Variants in PPP1R9A observed in about 807,000 individuals in gnomAD.
PPP1R9A encodes protein phosphatase 1 regulatory subunit 9A, also known as neurabin-1.
PPP1R9A carries 59 observed loss-of-function variants against 141.9 expected under a neutral mutation model. The ratio of observed to expected loss-of-function variants is 0.42; its 90% confidence interval spans 0.34 to 0.52. PPP1R9A has a LOEUF of 0.52. PPP1R9A is among the 20% of genes least tolerant of loss of function. The pLI is 0.10. For synonymous variants in PPP1R9A, 500 were observed against 569.7 expected, an observed-to-expected ratio of 0.88 and a Z score of 1.74; for missense variants, 1,444 against 1,611.9, an observed-to-expected ratio of 0.90 and a Z score of 1.78.
At chr7:95,261,918 C>T (rs554785894) in intron 12 of PPP1R9A, among the ~76,000 whole-genome samples, 1 of 152,282 alleles carries the variant, frequency 6.6e-6, no homozygotes, top group African/African-American at 2.4e-5. Flanking sequence ...ACAAAATCTT[C>T]CCATGATTGA....
chr7:95,198,622 A>G, intron 6 of PPP1R9A, 138 bp downstream of exon 6: 1 of 999,320 alleles, frequency 1.0e-6, no homozygotes, highest in African/African-American at 1.6e-5. Flanking sequence ...CTACCTTAGA[A>G]AAGAAATACT....
chr7:95,222,226 T>C (rs1794561497), intron 7 of PPP1R9A, among the ~76,000 whole-genome samples: 1 of 152,050 alleles, frequency 6.6e-6, no homozygotes, highest in Non-Finnish European at 1.5e-5. Context: ...GGTTTGGGGA[T>C]GGGATCATTA....
chr7:95,218,944 A>C (rs1207683091), intron 7 of PPP1R9A, among the ~76,000 whole-genome samples: 6 of 152,056 alleles, frequency 3.9e-5, no homozygotes, highest in Admixed American at 1.3e-4. Context: ...TGTGTCTTTT[A>C]ATTGGAGCAT....
At chr7:94,925,465 A>G (rs1315901818) in intron 2 of PPP1R9A, among the ~76,000 whole-genome samples, 2 of 151,834 alleles carry the variant, frequency 1.3e-5, no homozygotes, top group Non-Finnish European at 2.9e-5. Flanking sequence ...GAGGAAACTC[A>G]TTTTTCCCCC....
intron 2 of PPP1R9A, among the ~76,000 whole-genome samples, chr7:94,929,405 A>G (rs577457804): frequency 7.6e-4 from 116 of 152,302 alleles, no homozygotes; most frequent in African/African-American, 2.7e-3. Flanking sequence ...GCCAAACTCT[A>G]TCTGAGTTTC....
intron 12 of PPP1R9A, among the ~76,000 whole-genome samples, chr7:95,256,951 A>G (rs1203137976): frequency 2.6e-5 from 4 of 152,218 alleles, no homozygotes; most frequent in South Asian, 2.1e-4. Flanking sequence ...TGAAAGAGAA[A>G]GGAAGCCTCA....
chr7:95,093,162 A>G (rs1360792928), intron 2 of PPP1R9A, among the ~76,000 whole-genome samples: 1 of 152,126 alleles, frequency 6.6e-6, no homozygotes, highest in Non-Finnish European at 1.5e-5. Flanking sequence ...AGGCACCAAC[A>G]GATAGACTTT....
chr7:95,073,517 AAATT>A (rs1814311818), intron 2 of PPP1R9A, among the ~76,000 whole-genome samples: 1 of 151,874 alleles, frequency 6.6e-6, no homozygotes, highest in Non-Finnish European at 1.5e-5. Context: ...CCTTTCTCTA[AAATT>A]AATTGATGCT....
chr7:94,928,855 T>C (rs1316816837), intron 2 of PPP1R9A, among the ~76,000 whole-genome samples: 1 of 152,156 alleles, frequency 6.6e-6, no homozygotes, highest in Non-Finnish European at 1.5e-5. Context: ...TCAACAAATA[T>C]CTAAAAAGAT....
At chr7:95,000,975 G>A (rs529852693) in intron 2 of PPP1R9A, among the ~76,000 whole-genome samples, 1 of 152,222 alleles carries the variant, frequency 6.6e-6, no homozygotes, top group East Asian at 1.9e-4. Context: ...AATTGTAATT[G>A]TAATTATCTT....
intron 2 of PPP1R9A, among the ~76,000 whole-genome samples, chr7:95,056,477 TG>T (rs1270579210): frequency 6.6e-6 from 1 of 152,168 alleles, no homozygotes; most frequent in Non-Finnish European, 1.5e-5. Flanking sequence ...CTTCAAACCC[TG>T]GGGCTCACAG....
At position 95,259,535 on chromosome 7, in the gene PPP1R9A, G is replaced by T. The variant is rs376307951; in HGVS notation, c.2665+7405G>T. On this transcript the variant is annotated intron_variant, in intron 12 of 19. Transcript: ENST00000433360. ...ACTCCTCCAAGAAATCATTTCCTTT[G>T]TCCTTTTTGCCTTTCTCTTGAGCCC... Among the ~76,000 whole-genome samples, 110 of 152,180 alleles carry T rather than the reference G, an allele frequency of 7.2e-4. 1 individual carries two copies. The South Asian group carries it at 0.021, about 29-fold the overall frequency.
intron 12 of PPP1R9A, among the ~76,000 whole-genome samples, chr7:95,265,461 G>T (rs1801146794): frequency 6.6e-6 from 1 of 152,140 alleles, no homozygotes; most frequent in Admixed American, 6.6e-5. Flanking sequence ...TAGGATTTTT[G>T]TATTACATGA....
intron 2 of PPP1R9A, among the ~76,000 whole-genome samples, chr7:95,090,456 G>A (rs913851987): frequency 3.3e-5 from 5 of 151,968 alleles, no homozygotes; most frequent in Non-Finnish European, 7.4e-5. Context: ...TGTAATGAGC[G>A]TTTTTAAGAT....
intron 5 of PPP1R9A, among the ~76,000 whole-genome samples, chr7:95,196,017 T>G (rs1445931036): frequency 2.6e-5 from 4 of 152,094 alleles, no homozygotes; most frequent in African/African-American, 9.7e-5. Flanking sequence ...GCCACTGCAC[T>G]CCAGCATGGG....
At chr7:95,228,952 ACATGGCCAGT>A (rs1795526642) in intron 8 of PPP1R9A, among the ~76,000 whole-genome samples, 1 of 152,180 alleles carries the variant, frequency 6.6e-6, no homozygotes, top group Non-Finnish European at 1.5e-5. Flanking sequence ...AAAAGCTGCC[ACATGGCCAGT>A]CATGCTGGCT....
chr7:95,135,903 C>T (rs888969160), intron 4 of PPP1R9A, among the ~76,000 whole-genome samples: 12 of 125,926 alleles, frequency 9.5e-5, no homozygotes, highest in Non-Finnish European at 1.6e-4. Flanking sequence ...CTCTGTTCAT[C>T]CTTCAAATGC....
At position 95,293,293 on chromosome 7, in the gene PPP1R9A, C is replaced by A. The variant is rs1806613180; in HGVS notation, c.*2990C>A. ...CAGTTTATGTAATACTAATCTCATT[C>A]TTTTTTTACCTGAATCAGGAATTTT... is the stretch of plus-strand genomic sequence containing the variant. On this transcript the variant is annotated 3_prime_UTR_variant, in exon 20 of 20. Transcript: ENST00000433360. 1 of 152,104 alleles carries A rather than the reference C, an allele frequency of 6.6e-6. No individual in the cohort carries two copies. Among genetic ancestry groups the A allele is most frequent in the Admixed American group, 6.5e-5 (1 of 15,276 alleles). 9.4% of individuals were successfully genotyped at this position (152,104 alleles called of 1,614,324 possible).
At chr7:95,098,383 TAAATAAA>T (rs1818316953) in intron 2 of PPP1R9A, 1 of 136,702 alleles carries the variant, frequency 7.3e-6, no homozygotes, top group African/African-American at 2.9e-5. Context: ...TAAAAATAAA[TAAATAAA>T]AAATAAATGT....
Sources: allele counts gnomAD v4.1 joint callset (sites outside exome capture counted in the v4.1 genomes callset), GRCh38; gene constraint gnomAD v4.1.1; transcripts MANE v1.5; gene names NCBI Gene and HGNC (gene_info 2026-07-23, HGNC 2026-07-21).